The following QTGAL variants were observed in gnomAD, a reference collection of about 807,000 sequenced individuals.
The protein encoded by QTGAL is queuosine-tRNA galactosyltransferase.
chr17:82,992,503 T>C, the QTGAL span, among the ~76,000 whole-genome samples: 3 of 152,116 alleles, frequency 2.0e-5, no homozygotes, highest in East Asian at 5.8e-4. Context: ...ATAAAGACTT[T>C]CCCAGACAAA....
At chr17:83,029,930 C>T in the QTGAL span, among the ~76,000 whole-genome samples, 16 of 152,286 alleles carry the variant, frequency 1.1e-4, no homozygotes, top group African/African-American at 2.9e-4. Context: ...CCTGCTTTCT[C>T]GAATAAATCT....
chr17:83,042,405 A>C, the QTGAL span, among the ~76,000 whole-genome samples: 1 of 110,304 alleles, frequency 9.1e-6, no homozygotes, highest in Non-Finnish European at 1.9e-5. Flanking sequence ...TTATAAATCT[A>C]AATCTACATT....
the QTGAL span, among the ~76,000 whole-genome samples, chr17:82,968,674 C>T: frequency 6.6e-6 from 1 of 152,252 alleles, no homozygotes; most frequent in Non-Finnish European, 1.5e-5. Flanking sequence ...GCTGAGGGTG[C>T]CTGGGCCTGA....
At chr17:83,041,053 G>A in the QTGAL span, among the ~76,000 whole-genome samples, 3 of 139,856 alleles carry the variant, frequency 2.1e-5, no homozygotes, top group Non-Finnish European at 3.0e-5. Context: ...GTGACAGAGC[G>A]AGACTCCATC....
chr17:83,018,945 C>A, the QTGAL span, among the ~76,000 whole-genome samples: 1 of 152,208 alleles, frequency 6.6e-6, no homozygotes, highest in African/African-American at 2.4e-5. Context: ...ATGGGAGTGG[C>A]ACTCACTGTC....
the QTGAL span, among the ~76,000 whole-genome samples, chr17:82,959,329 C>T: frequency 2.6e-5 from 4 of 151,794 alleles, no homozygotes; most frequent in East Asian, 1.9e-4. Flanking sequence ...CTGCATGTAC[C>T]GTGCAGATGT....
At chr17:83,049,613 C>T in the QTGAL span, among the ~76,000 whole-genome samples, 1 of 151,920 alleles carries the variant, frequency 6.6e-6, no homozygotes, top group Non-Finnish European at 1.5e-5. Context: ...TGTTAGAAAA[C>T]CTGCAACAAA....
At chr17:82,944,399 C>A in the QTGAL span, 2 of 152,190 alleles carry the variant, frequency 1.3e-5, no homozygotes, top group Non-Finnish European at 2.9e-5. Flanking sequence ...TGGCAAGGAA[C>A]CCCTTGCTCA....
At chr17:82,971,566 A>G in the QTGAL span, among the ~76,000 whole-genome samples, 52 of 127,518 alleles carry the variant, frequency 4.1e-4, 1 homozygote, top group African/African-American at 1.2e-3. Flanking sequence ...CTACTGTGCC[A>G]ACCACACCAC....
the QTGAL span, among the ~76,000 whole-genome samples, chr17:83,034,696 T>C: frequency 2.6e-5 from 4 of 152,226 alleles, no homozygotes; most frequent in Admixed American, 2.6e-4. Flanking sequence ...GGCATTTCTG[T>C]TCTAGTGATA....
At chr17:83,012,768 G>T in the QTGAL span, among the ~76,000 whole-genome samples, 1 of 152,106 alleles carries the variant, frequency 6.6e-6, no homozygotes, top group Non-Finnish European at 1.5e-5. Context: ...AGTCCATCCC[G>T]AAGGACATTT....
the QTGAL span, among the ~76,000 whole-genome samples, chr17:82,996,134 C>T: frequency 1.3e-5 from 2 of 152,168 alleles, no homozygotes; most frequent in African/African-American, 2.4e-5. Flanking sequence ...TTCACGGATT[C>T]GAAGAACGAC....
the QTGAL span, chr17:82,948,850 A>G: frequency 2.6e-5 from 4 of 152,264 alleles, no homozygotes; most frequent in East Asian, 7.7e-4. Flanking sequence ...AAATCCCAGA[A>G]GCAAAATGGG....
chr17:83,027,467 G>A, the QTGAL span, among the ~76,000 whole-genome samples: 2 of 152,222 alleles, frequency 1.3e-5, no homozygotes, highest in African/African-American at 4.8e-5. Flanking sequence ...AGTTTATTAG[G>A]AAAAAATTTA....
the QTGAL span, among the ~76,000 whole-genome samples, chr17:83,012,248 C>A: frequency 4.7e-3 from 398 of 84,958 alleles, no homozygotes; most frequent in Middle Eastern, 8.1e-3. Flanking sequence ...ATCCATAAGT[C>A]TCCCAGCTCG....
At chr17:82,958,014 TGACCTGCTGCTCTGCCCAGC>T in the QTGAL span, among the ~76,000 whole-genome samples, 1 of 152,012 alleles carries the variant, frequency 6.6e-6, no homozygotes, top group East Asian at 1.9e-4. Flanking sequence ...CTCCTTCCCA[TGACCTGCTGCTCTGCCCAGC>T]GCCCAGCCCC....
chr17:82,992,980 T>C, the QTGAL span, among the ~76,000 whole-genome samples: 2 of 152,018 alleles, frequency 1.3e-5, no homozygotes, highest in East Asian at 1.9e-4. Context: ...ACACAAACCA[T>C]AAAAAGCAAG....
the QTGAL span, among the ~76,000 whole-genome samples, chr17:82,972,244 C>A: frequency 3.1e-5 from 3 of 98,190 alleles, no homozygotes; most frequent in African/African-American, 4.1e-5. Flanking sequence ...CTCATAGGGG[C>A]CAGAAGGACC....
the QTGAL span, chr17:82,980,990 G>A: frequency 6.6e-6 from 1 of 152,176 alleles, no homozygotes; most frequent in African/African-American, 2.4e-5. Context: ...ATAAACTCAG[G>A]TGTGTTTGAA....
Sources: gnomAD v4.1 joint callset for allele counts (sites outside exome capture counted in the v4.1 genomes callset) on GRCh38, gnomAD v4.1.1 for gene constraint, MANE v1.5 for transcripts, NCBI Gene and HGNC (gene_info 2026-07-23, HGNC 2026-07-21) for gene names.